USP45: variants seen among roughly 807,000 people sequenced by gnomAD.
USP45 encodes the protein ubiquitin specific peptidase 45.
A neutral mutation model predicts 95.8 loss-of-function variants in USP45; 89 were observed. The ratio of observed to expected loss-of-function variants is 0.93; its 90% confidence interval spans 0.78 to 1.11. The LOEUF (loss-of-function observed/expected upper bound fraction) is 1.11, where lower values mean the gene tolerates loss of function less well. Among genes scored for constraint, USP45 ranks in the 50% least tolerant of loss-of-function variants. USP45 has a pLI of 0.00. For synonymous variants in USP45, 281 were observed against 316.2 expected, an observed-to-expected ratio of 0.89 and a Z score of 1.18; for missense variants, 898 against 942.5, an observed-to-expected ratio of 0.95 and a Z score of 0.62.
At chr6:99,472,464 C>T (rs1016030605) in intron 9 of USP45, among the ~76,000 whole-genome samples, 1 of 152,124 alleles carries the variant, frequency 6.6e-6, no homozygotes, top group African/African-American at 2.4e-5. Flanking sequence ...GATCTGCCCA[C>T]CTCAGCCTCC....
At chr6:99,461,670 T>C in intron 13 of USP45, 1 of 984,434 alleles carries the variant, frequency 1.0e-6, no homozygotes, top group Non-Finnish European at 1.2e-6. Flanking sequence ...TGTGTGGTTT[T>C]AATGAGATAA....
At chr6:99,440,961 A>T (rs777060910) in intron 15 of USP45, among the ~76,000 whole-genome samples, 2 of 152,188 alleles carry the variant, frequency 1.3e-5, no homozygotes, top group Non-Finnish European at 2.9e-5. Context: ...GAAGGACTTT[A>T]ATATAAGATG....
chr6:99,503,324 T>C (rs1184747180), intron 5 of USP45, among the ~76,000 whole-genome samples: 2 of 151,724 alleles, frequency 1.3e-5, no homozygotes, highest in African/African-American at 4.8e-5. Flanking sequence ...ATGATACTCA[T>C]AATTTTTTTT....
Position 99,459,977 on chromosome 6 carries a change from A to T in USP45, c.1308+4627T>A, listed in dbSNP as rs115157227. Reference sequence around the variant, plus strand: ...TTTTGGGTAGTGCTTTTTTTGCCTCACATAATTTTCCAATAAAAAATTTCT... The same window carrying T: ...TTTTGGGTAGTGCTTTTTTTGCCTCTCATAATTTTCCAATAAAAAATTTCT... On this transcript the variant is annotated intron_variant, in intron 13 of 17. Coordinates refer to ENST00000500704, the MANE Select transcript of USP45 (RefSeq NM_001346022.3). Among the ~76,000 whole-genome samples, 1,230 of 152,256 alleles carry T rather than the reference A, an allele frequency of 8.1e-3. 16 individuals carry two copies. Among genetic ancestry groups the T allele is most frequent in the African/African-American group, 0.028 (1,178 of 41,550 alleles).
chr6:99,463,513 GA>G (rs1478225986), intron 13 of USP45, among the ~76,000 whole-genome samples: 3 of 152,038 alleles, frequency 2.0e-5, no homozygotes, highest in Non-Finnish European at 4.4e-5. Flanking sequence ...TGCAAAGGAG[GA>G]AAAAGAGGGA....
intron 16 of USP45, 62 bp from the exon 17 acceptor site, chr6:99,437,461 G>A: frequency 1.4e-6 from 2 of 1,430,266 alleles, no homozygotes; most frequent in East Asian, 2.5e-5. Context: ...TTAAGGAAAA[G>A]TAAGTAAATG....
chr6:99,438,442 CT>C (rs1237448723), intron 16 of USP45, among the ~76,000 whole-genome samples: 1 of 152,130 alleles, frequency 6.6e-6, no homozygotes, highest in Non-Finnish European at 1.5e-5. Context: ...AGCCAGATAT[CT>C]TTCAATTTAC....
Position 99,468,637 on chromosome 6 carries a change from A to C in USP45, c.934-19T>G. The C allele has an allele frequency of 6.5e-7, 1 of 1,545,118 alleles. No individual in the cohort carries two copies. Among genetic ancestry groups the C allele is most frequent in the Non-Finnish European group, 8.9e-7 (1 of 1,124,196 alleles). On this transcript the variant is annotated intron_variant, in intron 9 of 17. Coordinates refer to ENST00000500704, the MANE Select transcript of USP45 (RefSeq NM_001346022.3). Reference sequence around the variant, plus strand: ...GTATTCGCTGTAAAACAAAGTTAATAGATTCTGGTCTAATAATAGTTAACT... The same window carrying C: ...GTATTCGCTGTAAAACAAAGTTAATCGATTCTGGTCTAATAATAGTTAACT...
chr6:99,493,901 C>T (rs1583366743), intron 5 of USP45, among the ~76,000 whole-genome samples: 1 of 152,168 alleles, frequency 6.6e-6, no homozygotes, highest in East Asian at 1.9e-4. Context: ...GCAGTGCAAA[C>T]ATTTTAGATG....
intron 13 of USP45, among the ~76,000 whole-genome samples, chr6:99,453,169 AAAAG>A (rs199801276): frequency 0.19 from 14,725 of 76,444 alleles, 865 homozygotes; most frequent in East Asian, 0.47. Context: ...TAGAACTTAA[AAAAG>A]AAAAAAAAAA....
At position 99,432,467 on chromosome 6, in the gene USP45, A is replaced by T. The variant is rs1290872630; in HGVS notation, c.*3249T>A. 6.6e-6 allele frequency: 1 copy of T among 152,220 alleles called. No homozygotes were observed. Among genetic ancestry groups the T allele is most frequent in the Non-Finnish European group, 1.5e-5 (1 of 68,036 alleles). The allele number at this position is 152,220 out of a possible 1,614,324, so 9.4% of individuals were successfully genotyped here. A position where few individuals can be genotyped will look rare whatever the true frequency, so the allele number is the denominator to read the frequency against. On this transcript the variant is annotated 3_prime_UTR_variant, in exon 18 of 18. Coordinates refer to ENST00000500704, the MANE Select transcript of USP45 (RefSeq NM_001346022.3). Reference sequence around the variant, plus strand: ...CATGAGATAAATAAGAATATTTATTATGCATGTTTTATACAGTAACACCAA... The same window carrying T: ...CATGAGATAAATAAGAATATTTATTTTGCATGTTTTATACAGTAACACCAA...
chr6:99,450,121 C>A (rs1321768540), intron 13 of USP45, among the ~76,000 whole-genome samples: 6 of 151,986 alleles, frequency 3.9e-5, no homozygotes, highest in African/African-American at 1.5e-4. Context: ...ATTAAAAGAA[C>A]TAGAGAAGCA....
rs1582993384 is a variant in USP45 at position 99,446,287 on chromosome 6, G to C, written c.1485C>G (p.Ser495Arg). 6.2e-7 allele frequency: 1 copy of C among 1,614,168 alleles called. No individual in the cohort carries two copies. Among genetic ancestry groups the C allele is most frequent in the Non-Finnish European group, 8.5e-7 (1 of 1,180,038 alleles). The change falls in exon 14 of 18, where the codon AGC becomes AGG. Residue 495 changes from serine (S) to arginine (R), a missense_variant. Coordinates refer to ENST00000500704, the MANE Select transcript of USP45 (RefSeq NM_001346022.3). The part of the protein sequence containing the change: ...SPTDDSEKEA[S>R]HSESNVDADS... ...CAGCATCAACATTGCTTTCAGAATG[G>C]CTGGCTTCTTTTTCACTGTCATCAG...
chr6:99,475,166 C>G (rs191321214), intron 9 of USP45, among the ~76,000 whole-genome samples: 1 of 152,246 alleles, frequency 6.6e-6, no homozygotes, highest in East Asian at 1.9e-4. Flanking sequence ...CATACAAATA[C>G]TGCTTGGTCT....
intron 4 of USP45, among the ~76,000 whole-genome samples, chr6:99,506,293 T>C (rs1410862650): frequency 6.6e-5 from 10 of 152,306 alleles, no homozygotes; most frequent in Non-Finnish European, 2.9e-5. Flanking sequence ...CAAAACAGTG[T>C]GATATGCTAA....
At chr6:99,450,819 CA>C in intron 13 of USP45, among the ~76,000 whole-genome samples, 1 of 152,272 alleles carries the variant, frequency 6.6e-6, no homozygotes, top group Non-Finnish European at 1.5e-5. Flanking sequence ...AGCAGCACAT[CA>C]AAAAGCTTAT....
intron 1 of USP45, 68 bp from the exon 2 acceptor site, chr6:99,510,298 A>C: frequency 9.0e-7 from 1 of 1,112,146 alleles, no homozygotes. Flanking sequence ...TATTTTATTT[A>C]ATGTGTATTA....
rs143385857 is a variant in USP45 at position 99,452,009 on chromosome 6, C to G, written c.1309-5546G>C. Among the ~76,000 whole-genome samples, 700 of 152,298 alleles carry G rather than the reference C, an allele frequency of 4.6e-3. 2 individuals are homozygous for G. Among genetic ancestry groups the G allele is most frequent in the Non-Finnish European group, 6.8e-3 (464 of 68,030 alleles). On this transcript the variant is annotated intron_variant, in intron 13 of 17. Coordinates refer to ENST00000500704, the MANE Select transcript of USP45 (RefSeq NM_001346022.3). ...AAGCTGAAAATGGATCCCTTCCTTACACCTTATACAAAAATTAATTCAAGA... is the reference window on the plus strand; with the variant it reads ...AAGCTGAAAATGGATCCCTTCCTTAGACCTTATACAAAAATTAATTCAAGA...
intron 4 of USP45, among the ~76,000 whole-genome samples, chr6:99,507,077 T>G (rs1300800387): frequency 6.6e-6 from 1 of 152,110 alleles, no homozygotes; most frequent in East Asian, 1.9e-4. Flanking sequence ...CATGGCGGCA[T>G]GCGCCTGTGG....
Sources: gnomAD v4.1 joint callset for allele counts (sites outside exome capture counted in the v4.1 genomes callset) on GRCh38, gnomAD v4.1.1 for gene constraint, MANE v1.5 for transcripts, NCBI Gene and HGNC (gene_info 2026-07-23, HGNC 2026-07-21) for gene names.